Variants in NTRK3 observed in about 807,000 individuals in gnomAD.
NTRK3 encodes neurotrophic receptor tyrosine kinase 3.
In NTRK3, 24 loss-of-function variants were observed where a neutral mutation model predicts 91.7. The ratio of observed to expected loss-of-function variants is 0.26; its 90% confidence interval spans 0.19 to 0.37. The LOEUF is 0.37. Among genes scored for constraint, NTRK3 ranks in the 10% least tolerant of loss-of-function variants. The pLI, the probability that NTRK3 is intolerant of heterozygous loss-of-function variation, is 1.00. For missense variants in NTRK3, 880 were observed against 1,068.9 expected, an observed-to-expected ratio of 0.82 and a Z score of 2.46; for synonymous variants, 483 against 404.0, an observed-to-expected ratio of 1.20 and a Z score of -2.34.
chr15:88,061,773 G>T (rs1351748211), intron 13 of NTRK3, among the ~76,000 whole-genome samples: 2 of 152,188 alleles, frequency 1.3e-5, no homozygotes, highest in African/African-American at 4.8e-5. Flanking sequence ...CCCCTGTGAG[G>T]CAGGAGAGCT....
At chr15:88,180,048 A>G (rs2046324095) in intron 5 of NTRK3, among the ~76,000 whole-genome samples, 1 of 152,182 alleles carries the variant, frequency 6.6e-6, no homozygotes, top group Non-Finnish European at 1.5e-5. Context: ...CACCAGGAAT[A>G]ATAACAATAA....
chr15:87,860,907 A>G (rs1281715102), exon 19 of NTRK3: 1 of 222,006 alleles, frequency 4.5e-6, no homozygotes, highest in African/African-American at 2.2e-5. Context: ...AAGCACCTCA[A>G]CTGCTGTGGT....
intron 3 of NTRK3, among the ~76,000 whole-genome samples, chr15:88,199,488 G>A (rs2048109848): frequency 2.0e-5 from 3 of 152,212 alleles, no homozygotes; most frequent in East Asian, 1.9e-4. Flanking sequence ...AGAGCTGTCA[G>A]CTTCACCCTT....
At chr15:87,960,553 C>T (rs572987852) in intron 14 of NTRK3, among the ~76,000 whole-genome samples, 44 of 152,004 alleles carry the variant, frequency 2.9e-4, no homozygotes, top group African/African-American at 9.2e-4. Flanking sequence ...GGTGCCATCT[C>T]GGCTCACAGC....
chr15:88,084,825 G>A (rs2048355985), intron 13 of NTRK3, among the ~76,000 whole-genome samples: 1 of 152,162 alleles, frequency 6.6e-6, no homozygotes, highest in Admixed American at 6.5e-5. Context: ...AGCTGAGCAG[G>A]ACACACTGAG....
chr15:88,237,248 T>C lies in NTRK3; in HGVS notation c.248+18658A>G, dbSNP rs979256509. Among the ~76,000 whole-genome samples the C allele has an allele frequency of 1.3e-5, 2 of 152,140 alleles. No homozygotes were observed. Among genetic ancestry groups the C allele is most frequent in the African/African-American group, 2.4e-5 (1 of 41,428 alleles). ...AGTTTTATGGATGTTCACAGCAAAA[T>C]TTTCAACTTCTCTGTATGTTTGAGG... On this transcript the variant is annotated intron_variant, in intron 3 of 18. Transcript: ENST00000394480. This position sits in a 1 kb window ranked among gnomAD's most constrained non-coding sequence, Gnocchi z 4.0.
At chr15:88,252,064 C>G (rs539576260) in intron 3 of NTRK3, among the ~76,000 whole-genome samples, 2 of 152,266 alleles carry the variant, frequency 1.3e-5, no homozygotes, top group South Asian at 4.2e-4. Flanking sequence ...CTCAGGAGAC[C>G]AAGGTCTCCA....
chr15:87,863,585 T>G (rs1157976343), exon 19 of NTRK3: 1 of 222,136 alleles, frequency 4.5e-6, no homozygotes, highest in Non-Finnish European at 9.0e-6. Flanking sequence ...AACCCTAGTT[T>G]TCCTGTGGAA....
chr15:88,126,520 A>C (rs1469241467), intron 12 of NTRK3, 147 bp from the exon 13 acceptor site: 12 of 601,966 alleles, frequency 2.0e-5, no homozygotes, highest in Non-Finnish European at 3.0e-6. Context: ...AGGTCTTTAG[A>C]AGAAGAAATA....
chr15:88,035,826 A>T (rs565588535), intron 13 of NTRK3, among the ~76,000 whole-genome samples: 1 of 152,358 alleles, frequency 6.6e-6, no homozygotes, highest in South Asian at 2.1e-4. Context: ...CACTGCATCT[A>T]TACAAGCAAG....
At chr15:88,174,438 T>A (rs942309967) in intron 5 of NTRK3, among the ~76,000 whole-genome samples, 4 of 152,116 alleles carry the variant, frequency 2.6e-5, no homozygotes, top group African/African-American at 7.2e-5. Flanking sequence ...AAGCCCAGCA[T>A]CTTCCCTCCT....
Position 88,137,573 on chromosome 15 carries a change from G to C in NTRK3, c.465-12C>G, listed in dbSNP as rs773011843. On this transcript the variant is annotated splice_polypyrimidine_tract_variant and intron_variant, in intron 6 of 18. Coordinates refer to ENST00000394480, the Ensembl canonical transcript of NTRK3. ...TCTGCTCCAACTGCCTGTCGGCAAA[G>C]AGAGAGGGGAAGGGAACCTCTGAAC... The C allele has an allele frequency of 6.2e-7, 1 of 1,612,914 alleles. No homozygotes were observed. The highest frequency in any genetic ancestry group is 2.2e-5 in the East Asian group (1 of 44,878).
intron 5 of NTRK3, among the ~76,000 whole-genome samples, chr15:88,150,956 C>T (rs1215799870): frequency 2.0e-5 from 3 of 152,024 alleles, no homozygotes; most frequent in African/African-American, 7.2e-5. Context: ...CCTATATGCA[C>T]CTGTCATCAA....
intron 14 of NTRK3, among the ~76,000 whole-genome samples, chr15:87,964,804 T>C (rs963903518): frequency 1.3e-5 from 2 of 152,240 alleles, no homozygotes; most frequent in African/African-American, 4.8e-5. Flanking sequence ...TGTTGTAGCA[T>C]GTGTAAGTGC....
intron 14 of NTRK3, among the ~76,000 whole-genome samples, chr15:87,981,732 T>A (rs778010026): frequency 6.6e-6 from 1 of 152,190 alleles, no homozygotes; most frequent in Non-Finnish European, 1.5e-5. Context: ...TGGGCCTGGA[T>A]GGATGTTTCT....
At chr15:88,246,962 A>G (rs2052892437) in intron 3 of NTRK3, among the ~76,000 whole-genome samples, 1 of 152,214 alleles carries the variant, frequency 6.6e-6, no homozygotes, top group Non-Finnish European at 1.5e-5. Flanking sequence ...GGAAGCCATC[A>G]GCCCAGGACC....
chr15:88,253,791 C>T (rs2053691286), intron 3 of NTRK3, among the ~76,000 whole-genome samples: 2 of 152,168 alleles, frequency 1.3e-5, no homozygotes, highest in Admixed American at 6.5e-5. Flanking sequence ...CCACTCCCTG[C>T]TCACTATCCT....
chr15:87,973,995 C>T (rs2073485004), intron 14 of NTRK3, among the ~76,000 whole-genome samples: 1 of 152,192 alleles, frequency 6.6e-6, no homozygotes, highest in Non-Finnish European at 1.5e-5. Context: ...CAGAAAGCTA[C>T]ACAACAATGA....
At chr15:88,244,874 A>G (rs1003655970) in intron 3 of NTRK3, among the ~76,000 whole-genome samples, 2 of 152,240 alleles carry the variant, frequency 1.3e-5, no homozygotes, top group Non-Finnish European at 2.9e-5. Flanking sequence ...AGGCAAGAAT[A>G]GCAATAAAAC....
Sources: allele counts gnomAD v4.1 joint callset (sites outside exome capture counted in the v4.1 genomes callset), GRCh38; gene constraint gnomAD v4.1.1; non-coding constraint Gnocchi (gnomAD v3.1); transcripts MANE v1.5; gene names NCBI Gene and HGNC (gene_info 2026-07-23, HGNC 2026-07-21).